The following AP1S3 variants were observed in gnomAD, a reference collection of about 807,000 sequenced individuals.
The protein encoded by AP1S3 is AP-1 complex subunit sigma-3.
Under a neutral mutation model 20.9 loss-of-function variants are expected in AP1S3, and 10 were observed. The ratio of observed to expected loss-of-function variants is 0.48; its 90% confidence interval spans 0.29 to 0.81. The LOEUF (loss-of-function observed/expected upper bound fraction) is 0.81, where lower values mean the gene tolerates loss of function less well. Ranked by LOEUF, AP1S3 falls within the 30% of genes least tolerant of loss-of-function variation. The pLI is 0.08. For missense variants in AP1S3, 154 were observed against 183.8 expected (o/e 0.84, Z 0.94); for synonymous variants, 41 against 61.5 (o/e 0.67, Z 1.56).
intron 1 of AP1S3, among the ~76,000 whole-genome samples, chr2:223,812,931 G>GA (rs1204420587): frequency 2.0e-5 from 3 of 148,192 alleles, no homozygotes; most frequent in Non-Finnish European, 4.5e-5. Context: ...GGGGTTTTTT[G>GA]TTTTTTTTTT....
intron 3 of AP1S3, among the ~76,000 whole-genome samples, chr2:223,768,965 G>A (rs56401436): frequency 6.6e-6 from 1 of 152,068 alleles, no homozygotes; most frequent in African/African-American, 2.4e-5. Context: ...GCATGAAATA[G>A]ATGTCAATAT....
chr2:223,762,783 A>G (rs2106076836), intron 4 of AP1S3, among the ~76,000 whole-genome samples: 1 of 152,266 alleles, frequency 6.6e-6, no homozygotes, highest in East Asian at 1.9e-4. Flanking sequence ...TTTAAAAGTT[A>G]TTATTCTAAG....
chr2:223,786,783 C>T (rs1691088169), intron 1 of AP1S3, among the ~76,000 whole-genome samples: 1 of 151,950 alleles, frequency 6.6e-6, no homozygotes, highest in African/African-American at 2.4e-5. Flanking sequence ...CACACAATTG[C>T]AGTCCCAACT....
intron 1 of AP1S3, among the ~76,000 whole-genome samples, chr2:223,828,274 T>C (rs1166248858): frequency 6.8e-6 from 1 of 148,106 alleles, no homozygotes; most frequent in Non-Finnish European, 1.5e-5. Flanking sequence ...GTCATTCCCC[T>C]CACCACATTC....
intron 1 of AP1S3, among the ~76,000 whole-genome samples, chr2:223,798,026 C>T (rs555235030): frequency 3.3e-5 from 5 of 152,258 alleles, no homozygotes; most frequent in East Asian, 3.9e-4. Context: ...ATATCTCAGC[C>T]GAATATTACT....
chr2:223,795,617 T>C (rs1691319178), intron 1 of AP1S3, among the ~76,000 whole-genome samples: 1 of 152,084 alleles, frequency 6.6e-6, no homozygotes, highest in Admixed American at 6.6e-5. Flanking sequence ...CAGGAGGCAG[T>C]GGAATAGCTT....
At chr2:223,791,645 C>T (rs1691219498) in intron 1 of AP1S3, among the ~76,000 whole-genome samples, 1 of 152,184 alleles carries the variant, frequency 6.6e-6, no homozygotes, top group African/African-American at 2.4e-5. Flanking sequence ...CCCTCTTTCA[C>T]TACTCTTATT....
chr2:223,833,165 T>A (rs1156314918), intron 1 of AP1S3, among the ~76,000 whole-genome samples: 1 of 130,076 alleles, frequency 7.7e-6, no homozygotes, highest in Non-Finnish European at 1.7e-5. Flanking sequence ...AGTCCACTTG[T>A]GCTTTTATTA....
chr2:223,813,317 C>T (rs775397537), intron 1 of AP1S3, among the ~76,000 whole-genome samples: 6 of 152,078 alleles, frequency 3.9e-5, no homozygotes, highest in South Asian at 4.2e-4. Flanking sequence ...TTGAAATTTA[C>T]GCCTGGAGAT....
intron 1 of AP1S3, among the ~76,000 whole-genome samples, chr2:223,822,341 C>T (rs532210832): frequency 6.6e-6 from 1 of 151,644 alleles, no homozygotes; most frequent in East Asian, 1.9e-4. Context: ...CATGATCACT[C>T]CACTGCACTC....
Position 223,837,464 on chromosome 2 carries a change from C to T in AP1S3, c.-14G>A. ...CGCACTCACCATCGTGGCTGGGCCGCCGCCTCCCCCGCCTTGCGAGCAAGG... is the reference window on the plus strand; with the variant it reads ...CGCACTCACCATCGTGGCTGGGCCGTCGCCTCCCCCGCCTTGCGAGCAAGG... On this transcript the variant is annotated 5_prime_UTR_variant, in exon 1 of 5. Transcript: ENST00000396654. 7.8e-7 allele frequency: 1 copy of T among 1,283,828 alleles called. No homozygotes were observed. 79.5% of individuals were successfully genotyped at this position (1,283,828 alleles called of 1,614,324 possible).
chr2:223,799,689 A>G (rs1351433774), intron 1 of AP1S3, among the ~76,000 whole-genome samples: 1 of 152,236 alleles, frequency 6.6e-6, no homozygotes, highest in Non-Finnish European at 1.5e-5. Context: ...AAATGAAATA[A>G]TAACTCATTC....
Position 223,789,824 on chromosome 2 carries a change from C to A in AP1S3, c.4-11955G>T, listed in dbSNP as rs948914329. On this transcript the variant is annotated intron_variant, in intron 1 of 4. Coordinates refer to ENST00000396654, the MANE Select transcript of AP1S3 (RefSeq NM_001039569.2). ...CTCCACTCCAGCCTCGGTGATAGTA[C>A]AAGACTCTATCAAAAAAAAAAAAAA... Among the ~76,000 whole-genome samples the A allele has an allele frequency of 1.1e-3, 125 of 114,028 alleles. 1 individual carries two copies. The highest frequency in any genetic ancestry group is 5.6e-3 in the Middle Eastern group (1 of 178). 74.8% of individuals were successfully genotyped at this position (114,028 alleles called of 152,430 possible). A position where few individuals can be genotyped will look rare whatever the true frequency, so the allele number is the denominator to read the frequency against.
chr2:223,762,567 CCAGA>C (rs976497993), intron 4 of AP1S3, among the ~76,000 whole-genome samples: 4 of 152,154 alleles, frequency 2.6e-5, no homozygotes, highest in South Asian at 2.1e-4. Flanking sequence ...GCCACCACGC[CCAGA>C]CAGAGGGTTT....
At position 223,807,867 on chromosome 2, in the gene AP1S3, CTTTTTTTTTTTTT is replaced by C. The variant is rs138805104; in HGVS notation, c.3+29568_3+29580del. On this transcript the variant is annotated intron_variant, in intron 1 of 4. Coordinates refer to ENST00000396654, the MANE Select transcript of AP1S3 (RefSeq NM_001039569.2). The stretch of plus-strand genomic sequence containing the variant: ...TTACCTAGTCTCAGGCATTTCTTTT[CTTTTTTTTTTTTT>C]TTTTTTTTTTTTGGAGACAAGGTCT... Among the ~76,000 whole-genome samples, 4 of 43,220 alleles carry C rather than the reference CTTTTTTTTTTTTT, an allele frequency of 9.3e-5. No individual in the cohort carries two copies. In the East Asian group the frequency reaches 3.4e-3, roughly 37 times the overall value. The allele number at this position is 43,220 out of a possible 152,430, so 28.4% of individuals were successfully genotyped here.
intron 1 of AP1S3, among the ~76,000 whole-genome samples, chr2:223,811,385 T>C (rs1461025030): frequency 2.0e-5 from 3 of 151,982 alleles, no homozygotes; most frequent in Non-Finnish European, 4.4e-5. Flanking sequence ...CTGGCCAACA[T>C]GGCAAAACCC....
chr2:223,833,062 G>A (rs1692314531), intron 1 of AP1S3, among the ~76,000 whole-genome samples: 1 of 152,014 alleles, frequency 6.6e-6, no homozygotes, highest in African/African-American at 2.4e-5. Flanking sequence ...ATCAACATTT[G>A]AGTTTCTTTC....
chr2:223,804,910 A>T (rs895754414), intron 1 of AP1S3, among the ~76,000 whole-genome samples: 15 of 152,220 alleles, frequency 9.9e-5, no homozygotes, highest in African/African-American at 3.4e-4. Flanking sequence ...ATCTGGTTCT[A>T]GTTGGTTGAA....
Position 223,775,753 on chromosome 2 carries a change from A to C in AP1S3, c.291+148T>G, listed in dbSNP as rs1049076770. On this transcript the variant is annotated intron_variant, in intron 3 of 4. Coordinates refer to ENST00000396654, the MANE Select transcript of AP1S3 (RefSeq NM_001039569.2). ...GGTAGGGAGAAAAATCTTGTATTCT[A>C]ATCTTAGGGGGACTAAGGTGATCTT... The C allele has an allele frequency of 2.6e-5, 17 of 646,232 alleles. No individual in the cohort carries two copies. In the African/African-American group the frequency reaches 2.9e-4, roughly 11 times the overall value. 40.0% of individuals were successfully genotyped at this position (646,232 alleles called of 1,614,324 possible).
Sources: gnomAD v4.1 joint callset for allele counts (sites outside exome capture counted in the v4.1 genomes callset) on GRCh38, gnomAD v4.1.1 for gene constraint, MANE v1.5 for transcripts, NCBI Gene and HGNC (gene_info 2026-07-23, HGNC 2026-07-21) for gene names.